Variants in ATG7 observed in about 807,000 individuals in gnomAD.
The protein encoded by ATG7 is autophagy related 7.
Under a neutral mutation model 82.4 loss-of-function variants are expected in ATG7, and 70 were observed. The ratio of observed to expected loss-of-function variants is 0.85; its 90% CI spans 0.70 to 1.04. The LOEUF (loss-of-function observed/expected upper bound fraction) is 1.04. Among genes scored for constraint, ATG7 ranks in the 50% least tolerant of loss-of-function variants. The pLI is 0.00. For missense variants in ATG7, 792 were observed against 864.3 expected (o/e 0.92, Z 1.05); for synonymous variants, 287 against 313.0 (o/e 0.92, Z 0.88).
intron 20 of ATG7, among the ~76,000 whole-genome samples, chr3:11,497,396 G>A (rs1246730966): frequency 1.8e-5 from 1 of 54,732 alleles, no homozygotes; most frequent in Non-Finnish European, 3.6e-5. Flanking sequence ...TATATATTTA[G>A]CCAGGCATGG....
At chr3:11,287,242 G>C (rs1248598762) in intron 3 of ATG7, among the ~76,000 whole-genome samples, 1 of 152,200 alleles carries the variant, frequency 6.6e-6, no homozygotes, top group African/African-American at 2.4e-5. Flanking sequence ...AGGTGGCTTA[G>C]AGCCAGGAGT....
chr3:11,495,495 T>C (rs2090754057), intron 20 of ATG7, among the ~76,000 whole-genome samples: 1 of 152,176 alleles, frequency 6.6e-6, no homozygotes, highest in Admixed American at 6.5e-5. Flanking sequence ...CTCCCTGCGC[T>C]GTTGGTCAAT....
At chr3:11,321,436 AGC>A (rs1306858327) in intron 9 of ATG7, among the ~76,000 whole-genome samples, 2 of 152,040 alleles carry the variant, frequency 1.3e-5, no homozygotes, top group East Asian at 3.9e-4. Context: ...ACCAGCATGC[AGC>A]TGGTCACTCA....
chr3:11,492,308 G>C (rs139446658), intron 20 of ATG7, among the ~76,000 whole-genome samples: 1,724 of 152,272 alleles, frequency 0.011, 31 homozygotes, highest in African/African-American at 0.039. Flanking sequence ...GCAATGCCTC[G>C]CCCTGCTTCG....
At chr3:11,292,802 C>G (rs1026530159) in intron 3 of ATG7, among the ~76,000 whole-genome samples, 1 of 115,240 alleles carries the variant, frequency 8.7e-6, no homozygotes, top group East Asian at 2.9e-4. Flanking sequence ...TTCTTGGAAC[C>G]TCAGTTTCTT....
chr3:11,547,431 A>G (rs989730514), intron 20 of ATG7, among the ~76,000 whole-genome samples: 1 of 152,150 alleles, frequency 6.6e-6, no homozygotes, highest in African/African-American at 2.4e-5. Context: ...GTTTCCTATT[A>G]TGAATTCCAC....
At chr3:11,553,966 C>T (rs766312593) in intron 20 of ATG7, among the ~76,000 whole-genome samples, 3 of 152,146 alleles carry the variant, frequency 2.0e-5, no homozygotes, top group Non-Finnish European at 4.4e-5. Context: ...AGTCTGAAGG[C>T]GTAGGTTCAG....
intron 20 of ATG7, among the ~76,000 whole-genome samples, chr3:11,454,918 A>C (rs2085552571): frequency 6.6e-6 from 1 of 152,242 alleles, no homozygotes; most frequent in Non-Finnish European, 1.5e-5. Context: ...GACAAACTCA[A>C]ACCCTGCCTC....
intron 20 of ATG7, among the ~76,000 whole-genome samples, chr3:11,486,818 C>CTGTTTTTTTTTTTTTTTTTTT (rs2089709868): frequency 1.3e-5 from 1 of 74,970 alleles, no homozygotes; most frequent in Non-Finnish European, 2.3e-5. Flanking sequence ...GTCTTTGGTT[C>CTGTTTTTTTTTTTTTTTTTTT]TGTTTTTTTT....
intron 17 of ATG7, 127 bp downstream of exon 17, chr3:11,363,055 C>T (rs1215650111): frequency 1.2e-6 from 1 of 837,412 alleles, no homozygotes; most frequent in Non-Finnish European, 1.8e-6. Context: ...CTCAAAAAAA[C>T]AAGACTAGAA....
intron 19 of ATG7, among the ~76,000 whole-genome samples, chr3:11,419,053 C>T (rs1024843015): frequency 1.3e-5 from 2 of 152,106 alleles, no homozygotes; most frequent in Non-Finnish European, 2.9e-5. Context: ...GACACAGAGC[C>T]AAAGCATATC....
intron 19 of ATG7, among the ~76,000 whole-genome samples, chr3:11,418,087 A>G (rs1297949324): frequency 1.3e-5 from 2 of 151,624 alleles, no homozygotes; most frequent in African/African-American, 4.9e-5. Flanking sequence ...CTGGGATTAC[A>G]GGCATGAGCC....
Position 11,315,327 on chromosome 3 carries a change from G to A in ATG7, c.529-17G>A, listed in dbSNP as rs763364734. On this transcript the variant is annotated splice_polypyrimidine_tract_variant and intron_variant, in intron 8 of 20. Transcript: ENST00000693202. ...ATGTAATTTTCTAGAGAATAACAAC[G>A]TGTTTTCTGTTTTCAGATTGAAGCA... is the stretch of plus-strand genomic sequence containing the variant. 2.5e-5 allele frequency: 39 copies of A among 1,533,330 alleles called. No individual in the cohort carries two copies. The highest frequency in any genetic ancestry group is 3.1e-5 in the Non-Finnish European group (35 of 1,140,332). The allele number at this position is 1,533,330 out of a possible 1,614,324, so 95.0% of individuals were successfully genotyped here.
chr3:11,355,300 C>T (rs984777115), intron 14 of ATG7, among the ~76,000 whole-genome samples: 5 of 152,042 alleles, frequency 3.3e-5, no homozygotes, highest in South Asian at 2.1e-4. Flanking sequence ...TATAAAGTTT[C>T]GAGGGGAAAG....
intron 18 of ATG7, among the ~76,000 whole-genome samples, chr3:11,365,254 T>C (rs969229520): frequency 6.6e-6 from 1 of 152,172 alleles, no homozygotes; most frequent in Non-Finnish European, 1.5e-5. Flanking sequence ...TTGCTTGTTA[T>C]TATTATTGAC....
intron 20 of ATG7, among the ~76,000 whole-genome samples, chr3:11,507,962 A>C (rs992401886): frequency 2.0e-5 from 3 of 151,590 alleles, no homozygotes; most frequent in South Asian, 2.1e-4. Context: ...TAAAAAAAAA[A>C]CAAAAAAACA....
intron 20 of ATG7, among the ~76,000 whole-genome samples, chr3:11,451,837 A>ATC (rs1259410744): frequency 4.8e-5 from 7 of 144,388 alleles, no homozygotes; most frequent in African/African-American, 1.0e-4. Context: ...GTCTCTCTCT[A>ATC]TCTCTCTCTC....
At chr3:11,380,412 G>A (rs1020504398) in intron 19 of ATG7, among the ~76,000 whole-genome samples, 1 of 152,176 alleles carries the variant, frequency 6.6e-6, no homozygotes, top group Non-Finnish European at 1.5e-5. Flanking sequence ...TACTCTGAGG[G>A]TGAGGCGGCC....
chr3:11,347,997 G>A lies in ATG7; in HGVS notation c.1246G>A (p.Ala416Thr). Residue 416 changes from alanine to threonine, a missense_variant, in exon 14 of 21, where the codon GCA (alanine) becomes ACA (threonine). Coordinates refer to ENST00000693202, the MANE Select transcript of ATG7 (RefSeq NM_001349232.2). ...CLGGGKPKAL[A>T]AADRLQKIFP... ...AGGGGGTGGTAAGCCCAAGGCTCTG[G>A]CAGCAGCGGACCGGCTCCAGAAAAT... 1.2e-6 allele frequency: 2 copies of A among 1,614,084 alleles called. No homozygotes were observed. Among genetic ancestry groups the A allele is most frequent in the South Asian group, 1.1e-5 (1 of 91,072 alleles).
Sources: allele counts gnomAD v4.1 joint callset (sites outside exome capture counted in the v4.1 genomes callset), GRCh38; gene constraint gnomAD v4.1.1; transcripts MANE v1.5; gene names NCBI Gene and HGNC (gene_info 2026-07-23, HGNC 2026-07-21).